Variants in GRM3 observed in about 807,000 individuals in gnomAD.
GRM3 encodes glutamate metabotropic receptor 3.
A neutral mutation model predicts 70.5 loss-of-function variants in GRM3; 26 were observed. The ratio of observed to expected loss-of-function variants is 0.37; its 90% CI spans 0.27 to 0.51. The LOEUF (loss-of-function observed/expected upper bound fraction) is 0.51. GRM3 is among the 20% of genes least tolerant of loss of function. The probability of loss-of-function intolerance (pLI) is 0.93; values close to 1 mark genes in which losing one functional copy is unlikely to be tolerated. For missense variants in GRM3, 859 were observed against 1,123.8 expected, an observed-to-expected ratio of 0.76 and a Z score of 3.37; for synonymous variants, 443 against 434.9, an observed-to-expected ratio of 1.02 and a Z score of -0.23.
At chr7:86,835,771 C>G (rs1378396951) in intron 3 of GRM3, among the ~76,000 whole-genome samples, 1 of 152,048 alleles carries the variant, frequency 6.6e-6, no homozygotes, top group Non-Finnish European at 1.5e-5. Flanking sequence ...CCACTACACC[C>G]TGCTAACTTT....
intron 1 of GRM3, among the ~76,000 whole-genome samples, chr7:86,705,808 C>A (rs1795043727): frequency 6.6e-6 from 1 of 152,054 alleles, no homozygotes; most frequent in Non-Finnish European, 1.5e-5. Flanking sequence ...GTTGCCTGAT[C>A]AATCTCATCT....
rs78403915 is a variant in GRM3, at chr7:86,787,626, C to A, written c.1324+510C>A. On this transcript the variant is annotated intron_variant, in intron 3 of 5. Transcript: ENST00000361669. ...ATTAGGGGCAAAACAGAAAAGATAC[C>A]CAGACCCTAGTGATTTCTAGGCATT... Among the ~76,000 whole-genome samples the A allele has an allele frequency of 4.9e-3, 745 of 151,968 alleles. 6 individuals are homozygous for A. The highest frequency in any genetic ancestry group is 0.017 in the African/African-American group (708 of 41,452).
intron 3 of GRM3, among the ~76,000 whole-genome samples, chr7:86,819,995 T>C (rs149001799): frequency 7.7e-4 from 118 of 152,270 alleles, no homozygotes; most frequent in African/African-American, 2.6e-3. Context: ...GATGGCCACA[T>C]TGAATTCCAC....
chr7:86,823,067 T>C (rs17697609), intron 3 of GRM3, among the ~76,000 whole-genome samples: 5,821 of 152,162 alleles, frequency 0.038, 139 homozygotes, highest in East Asian at 0.065. Flanking sequence ...TAGACGTTTT[T>C]AGAGAATTGT....
At chr7:86,674,720 A>G (rs924792789) in intron 1 of GRM3, among the ~76,000 whole-genome samples, 3 of 152,116 alleles carry the variant, frequency 2.0e-5, no homozygotes, top group Non-Finnish European at 4.4e-5. Context: ...TATGTTTACA[A>G]CTTTAAGTCC....
intron 1 of GRM3, among the ~76,000 whole-genome samples, chr7:86,755,368 T>C (rs1796319465): frequency 6.6e-6 from 1 of 152,078 alleles, no homozygotes; most frequent in African/African-American, 2.4e-5. Context: ...TAGTATCAAG[T>C]TATCGAAATG....
chr7:86,692,011 T>A (rs965323733), intron 1 of GRM3, among the ~76,000 whole-genome samples: 2 of 152,212 alleles, frequency 1.3e-5, no homozygotes, highest in African/African-American at 4.8e-5. Flanking sequence ...TAGAAATGAT[T>A]TGCCTTTCTA....
intron 1 of GRM3, among the ~76,000 whole-genome samples, chr7:86,757,908 A>C (rs925158257): frequency 6.6e-6 from 1 of 152,184 alleles, no homozygotes; most frequent in East Asian, 1.9e-4. Flanking sequence ...ACCATGTCAT[A>C]GGAATGGTCA....
At chr7:86,804,368 A>G (rs1797744169) in intron 3 of GRM3, among the ~76,000 whole-genome samples, 1 of 152,188 alleles carries the variant, frequency 6.6e-6, no homozygotes. Flanking sequence ...CACAACCCAT[A>G]TGCTGAGTAC....
chr7:86,669,760 G>T (rs946462446), intron 1 of GRM3, among the ~76,000 whole-genome samples: 6 of 151,998 alleles, frequency 3.9e-5, no homozygotes, highest in Admixed American at 6.6e-5. Flanking sequence ...TCCTCAAACT[G>T]CATATTCCTT....
Position 86,864,631 on chromosome 7 carries a change from T to TAA in GRM3, c.*281_*282dup, listed in dbSNP as rs1799026656. 3.5e-5 allele frequency: 2 copies of TAA among 57,006 alleles called. No individual in the cohort carries two copies. Among genetic ancestry groups the TAA allele is most frequent in the African/African-American group, 1.4e-4 (1 of 7,082 alleles). The allele number at this position is 57,006 out of a possible 1,614,324, so 3.5% of individuals were successfully genotyped here. ...ACAGGGTCTGACATGGTCAGTCTAC[T>TAA]AAAAAACAAAAAAAAAAAACAAAAA... On this transcript the variant is annotated 3_prime_UTR_variant, in exon 6 of 6. Coordinates refer to ENST00000361669, the MANE Select transcript of GRM3 (RefSeq NM_000840.3).
At chr7:86,846,464 A>G (rs1798657815) in intron 4 of GRM3, among the ~76,000 whole-genome samples, 1 of 152,144 alleles carries the variant, frequency 6.6e-6, no homozygotes, top group African/African-American at 2.4e-5. Flanking sequence ...GTGAAGGTAC[A>G]TGTCTCTGCA....
At chr7:86,660,030 C>A (rs35092418) in intron 1 of GRM3, among the ~76,000 whole-genome samples, 180 of 152,114 alleles carry the variant, frequency 1.2e-3, no homozygotes, top group Middle Eastern at 6.8e-3. Flanking sequence ...CTACTTTATT[C>A]TTTTACCTGT....
chr7:86,765,636 C>A, intron 2 of GRM3, 23 bp downstream of exon 2: 1 of 1,593,562 alleles, frequency 6.3e-7, no homozygotes, highest in Non-Finnish European at 8.6e-7. Flanking sequence ...AATGCTATTG[C>A]TAAAAGGCTG....
At chr7:86,816,109 A>G (rs1798009543) in intron 3 of GRM3, among the ~76,000 whole-genome samples, 1 of 151,816 alleles carries the variant, frequency 6.6e-6, no homozygotes, top group Admixed American at 6.6e-5. Flanking sequence ...TTTCATGGAG[A>G]AGGTGGCCTC....
intron 1 of GRM3, among the ~76,000 whole-genome samples, chr7:86,743,760 G>A (rs527980687): frequency 6.6e-6 from 1 of 152,262 alleles, no homozygotes; most frequent in East Asian, 1.9e-4. Context: ...AATGGCTGGA[G>A]AGCAAGATCT....
intron 1 of GRM3, among the ~76,000 whole-genome samples, chr7:86,749,273 C>A (rs759037899): frequency 1.3e-5 from 2 of 151,932 alleles, no homozygotes; most frequent in African/African-American, 2.4e-5. Flanking sequence ...TGTGCCCCAC[C>A]ACAGGTCCTA....
intron 3 of GRM3, among the ~76,000 whole-genome samples, chr7:86,793,005 T>G (rs1797457960): frequency 6.7e-6 from 1 of 149,928 alleles, no homozygotes; most frequent in East Asian, 1.9e-4. Context: ...CTTAGTTCAT[T>G]GGTTGGTTGC....
At chr7:86,728,400 C>T (rs1417007581) in intron 1 of GRM3, among the ~76,000 whole-genome samples, 1 of 152,160 alleles carries the variant, frequency 6.6e-6, no homozygotes, top group African/African-American at 2.4e-5. Context: ...TAGTTTTGGA[C>T]CATCACTTTC....
Sources: gnomAD v4.1 joint callset for allele counts (sites outside exome capture counted in the v4.1 genomes callset) on GRCh38, gnomAD v4.1.1 for gene constraint, MANE v1.5 for transcripts, NCBI Gene and HGNC (gene_info 2026-07-23, HGNC 2026-07-21) for gene names.